TLE1: variants seen among roughly 807,000 people sequenced by gnomAD.
TLE1 encodes transducin-like enhancer protein 1.
Under a neutral mutation model 89.8 loss-of-function variants are expected in TLE1, and 21 were observed. The observed-to-expected ratio is 0.23, with a 90% CI of 0.17 to 0.34. The LOEUF is 0.34. TLE1 is among the 10% of genes least tolerant of loss of function. The pLI is 1.00. For synonymous variants in TLE1, 447 were observed against 407.6 expected, an observed-to-expected ratio of 1.10 and a Z score of -1.16; for missense variants, 795 against 1,031.2, an observed-to-expected ratio of 0.77 and a Z score of 3.14.
At position 81,593,233 on chromosome 9, in the gene TLE1, G is replaced by A; in HGVS notation, c.1373C>T (p.Pro458Leu). The A allele has an allele frequency of 6.2e-7, 1 of 1,614,170 alleles. No homozygotes were observed. Residue 458 changes from proline (P) to leucine (L), a missense_variant, in exon 15 of 20, where the codon CCT (proline) becomes CTT (leucine). Around this residue, in one of 4 missense-constraint regions of TLE1, gnomAD observed 468 missense variants for 509.1 expected, o/e 0.92. Transcript: ENST00000376499. Reference sequence around the variant, plus strand: ...GAGGGCGTCGGGGGGAAAAGGGACAGGCTGCATCTGACCGTCTGCAGTAAC... The same window carrying A: ...GAGGGCGTCGGGGGGAAAAGGGACAAGCTGCATCTGACCGTCTGCAGTAAC... ...FHVTADGQMQ[P>L]VPFPPDALIG...
rs1449938833 is a variant in TLE1, at chr9:81,688,332, A to G, written c.-92T>C. ...TCCCGCCGAGGAAAATTAAGCCGGAAAGCCAAGCAGAAGCGGGGAGCGCGC... is the reference window on the plus strand; with the variant it reads ...TCCCGCCGAGGAAAATTAAGCCGGAGAGCCAAGCAGAAGCGGGGAGCGCGC... On this transcript the variant is annotated 5_prime_UTR_variant, in exon 1 of 20. Transcript: ENST00000376499. The G allele has an allele frequency of 7.3e-7, 1 of 1,373,318 alleles. No homozygotes were observed. The highest frequency in any genetic ancestry group is 9.5e-7 in the Non-Finnish European group (1 of 1,048,124). The allele number at this position is 1,373,318 out of a possible 1,614,324, so 85.1% of individuals were successfully genotyped here. A position where few individuals can be genotyped will look rare whatever the true frequency, so the allele number is the denominator to read the frequency against.
chr9:81,613,621 A>G (rs1824002286), intron 11 of TLE1, 100 bp from the exon 12 acceptor site: 1 of 1,366,566 alleles, frequency 7.3e-7, no homozygotes, highest in Non-Finnish European at 1.0e-6. Flanking sequence ...CCTTCTAGCT[A>G]CTCCCTCAGC....
intron 1 of TLE1, among the ~76,000 whole-genome samples, chr9:81,687,673 G>A (rs1834492945): frequency 6.6e-6 from 1 of 152,062 alleles, no homozygotes. Context: ...ATTGCGCTAA[G>A]TGCGCCCGGG....
At chr9:81,637,730 G>A (rs1827582057) in intron 6 of TLE1, among the ~76,000 whole-genome samples, 1 of 148,940 alleles carries the variant, frequency 6.7e-6, no homozygotes, top group South Asian at 2.2e-4. Flanking sequence ...TGCTGAAGAT[G>A]TCGTGATTCT....
At chr9:81,672,831 C>T (rs1832397102) in intron 4 of TLE1, among the ~76,000 whole-genome samples, 1 of 152,088 alleles carries the variant, frequency 6.6e-6, no homozygotes, top group East Asian at 1.9e-4. Context: ...TAGAATGAAC[C>T]AAATCCTTTG....
rs533326993 is a variant in TLE1, at chr9:81,584,092, G to A, written c.*106C>T. On this transcript the variant is annotated 3_prime_UTR_variant, in exon 20 of 20. Transcript: ENST00000376499. ...AGTTTTCTGTCAAGGTTTGGAAACA[G>A]GTGTTTGTAATTTTTTTTCTCTTTT... 9.2e-6 allele frequency: 9 copies of A among 973,484 alleles called. No homozygotes were observed. In the African/African-American group the frequency reaches 1.3e-4, roughly 14 times the overall value. The allele number at this position is 973,484 out of a possible 1,614,324, so 60.3% of individuals were successfully genotyped here. A position where few individuals can be genotyped will look rare whatever the true frequency, so the allele number is the denominator to read the frequency against.
At chr9:81,627,408 C>T (rs1263402725) in intron 8 of TLE1, among the ~76,000 whole-genome samples, 4 of 151,966 alleles carry the variant, frequency 2.6e-5, no homozygotes, top group Non-Finnish European at 4.4e-5. Context: ...ACCAAGGCCC[C>T]GATATCCACC....
chr9:81,682,778 G>A (rs1833790470), intron 4 of TLE1, among the ~76,000 whole-genome samples: 1 of 152,144 alleles, frequency 6.6e-6, no homozygotes, highest in Non-Finnish European at 1.5e-5. Flanking sequence ...ACTGTATAGA[G>A]ATATCTAGAG....
At chr9:81,641,305 C>A (rs1483847952) in intron 6 of TLE1, among the ~76,000 whole-genome samples, 1 of 152,210 alleles carries the variant, frequency 6.6e-6, no homozygotes, top group African/African-American at 2.4e-5. Context: ...AAGGACACTA[C>A]TGCAGGAGTT....
At chr9:81,621,256 C>G (rs966936124) in intron 8 of TLE1, among the ~76,000 whole-genome samples, 1 of 152,116 alleles carries the variant, frequency 6.6e-6, no homozygotes, top group African/African-American at 2.4e-5. Context: ...TTCGCATATG[C>G]CGAGTAGGAA....
chr9:81,595,893 G>A (rs1830139038), intron 14 of TLE1, among the ~76,000 whole-genome samples: 1 of 151,510 alleles, frequency 6.6e-6, no homozygotes, highest in Admixed American at 6.6e-5. Context: ...TGTTTAAGAT[G>A]GAGAAACTGC....
intron 4 of TLE1, among the ~76,000 whole-genome samples, chr9:81,662,584 G>A (rs1317202313): frequency 6.6e-6 from 1 of 151,748 alleles, no homozygotes; most frequent in East Asian, 2.0e-4. Flanking sequence ...TGTAATCCCA[G>A]CTACTTGAGG....
intron 4 of TLE1, among the ~76,000 whole-genome samples, chr9:81,682,096 A>G (rs1467380413): frequency 6.6e-6 from 1 of 151,950 alleles, no homozygotes; most frequent in African/African-American, 2.4e-5. Context: ...AAAAAAAAGA[A>G]AAAAAAAGTT....
chr9:81,683,190 G>T (rs1833839057), intron 4 of TLE1, among the ~76,000 whole-genome samples: 1 of 151,654 alleles, frequency 6.6e-6, no homozygotes, highest in Non-Finnish European at 1.5e-5. Flanking sequence ...CAGCATTAAA[G>T]CTCTCTGTAC....
intron 17 of TLE1, among the ~76,000 whole-genome samples, chr9:81,587,121 C>G (rs113848868): frequency 1.2e-4 from 18 of 152,250 alleles, no homozygotes; most frequent in African/African-American, 4.3e-4. Flanking sequence ...TACATTATTT[C>G]AAAAGTCTGC....
At chr9:81,624,167 A>G (rs925992380) in intron 8 of TLE1, among the ~76,000 whole-genome samples, 3 of 152,216 alleles carry the variant, frequency 2.0e-5, no homozygotes, top group Non-Finnish European at 4.4e-5. Context: ...TACCTGACGC[A>G]TGGTTTCTCT....
intron 8 of TLE1, among the ~76,000 whole-genome samples, chr9:81,626,750 C>T (rs755301693): frequency 3.9e-5 from 6 of 152,122 alleles, no homozygotes; most frequent in South Asian, 2.1e-4. Flanking sequence ...CACACAGGGC[C>T]GGTTAATGTT....
chr9:81,621,814 A>G (rs1888812), intron 8 of TLE1, among the ~76,000 whole-genome samples: 81,418 of 151,932 alleles, frequency 0.54, 22,905 homozygotes, highest in East Asian at 0.92. Flanking sequence ...ATCAAAACTG[A>G]GGACCGGAAG....
intron 14 of TLE1, among the ~76,000 whole-genome samples, chr9:81,596,536 G>T (rs1365890020): frequency 3.9e-5 from 6 of 152,136 alleles, no homozygotes; most frequent in African/African-American, 1.4e-4. Context: ...CATGGTGAAG[G>T]GATCCCAGAA....
Sources: allele counts gnomAD v4.1 joint callset (sites outside exome capture counted in the v4.1 genomes callset), GRCh38; gene constraint gnomAD v4.1.1; regional missense constraint gnomAD v4.1.1; transcripts MANE v1.5; gene names NCBI Gene and HGNC (gene_info 2026-07-23, HGNC 2026-07-21).